NELL1: variants seen among roughly 807,000 people sequenced by gnomAD.
NELL1 encodes the protein protein kinase C-binding protein NELL1.
NELL1 carries 76 observed loss-of-function variants against 107.4 expected under a neutral mutation model. The ratio of observed to expected loss-of-function variants is 0.71; its 90% confidence interval spans 0.59 to 0.86. NELL1 has a LOEUF of 0.86. NELL1 is among the 40% of genes least tolerant of loss of function. The probability of loss-of-function intolerance (pLI) is 0.00; values close to 1 mark genes in which losing one functional copy is unlikely to be tolerated. For missense variants in NELL1, 1,024 were observed against 1,005.5 expected, an observed-to-expected ratio of 1.02 and a Z score of -0.25; for synonymous variants, 353 against 341.2, an observed-to-expected ratio of 1.03 and a Z score of -0.38.
At chr11:20,975,795 A>T (rs1401841431) in intron 12 of NELL1, among the ~76,000 whole-genome samples, 2 of 135,758 alleles carry the variant, frequency 1.5e-5, no homozygotes, top group African/African-American at 5.4e-5. Flanking sequence ...TTATATATGT[A>T]TTATATGATA....
At chr11:21,400,845 C>A (rs1367437504) in intron 15 of NELL1, among the ~76,000 whole-genome samples, 1 of 151,910 alleles carries the variant, frequency 6.6e-6, no homozygotes, top group Non-Finnish European at 1.5e-5. Context: ...GTCCACAGCT[C>A]ATTGCCAGGG....
intron 12 of NELL1, among the ~76,000 whole-genome samples, chr11:21,099,446 G>A (rs1002553898): frequency 3.3e-5 from 5 of 152,124 alleles, no homozygotes; most frequent in Admixed American, 6.5e-5. Context: ...TGGCTGGCTC[G>A]GTGGATGAGT....
chr11:21,084,063 T>G (rs1344151347), intron 12 of NELL1, among the ~76,000 whole-genome samples: 1 of 152,162 alleles, frequency 6.6e-6, no homozygotes, highest in African/African-American at 2.4e-5. Flanking sequence ...GTGAGCGTTC[T>G]CATTGTAATT....
intron 3 of NELL1, among the ~76,000 whole-genome samples, chr11:20,829,084 C>T (rs556942651): frequency 6.6e-6 from 1 of 152,140 alleles, no homozygotes; most frequent in African/African-American, 2.4e-5. Flanking sequence ...TTAACTTTTT[C>T]TTTTACATTA....
chr11:20,878,197 A>G (rs1166639710), intron 4 of NELL1, among the ~76,000 whole-genome samples: 1 of 151,704 alleles, frequency 6.6e-6, no homozygotes, highest in East Asian at 1.9e-4. Context: ...CATCTCTACT[A>G]AAAATACAAA....
chr11:21,168,807 C>T (rs1856540865), intron 13 of NELL1, among the ~76,000 whole-genome samples: 1 of 151,848 alleles, frequency 6.6e-6, no homozygotes, highest in African/African-American at 2.4e-5. Flanking sequence ...ATTTTCAATG[C>T]CTCATCTTTC....
At chr11:21,222,494 C>T (rs1338119626) in intron 13 of NELL1, among the ~76,000 whole-genome samples, 23 of 152,102 alleles carry the variant, frequency 1.5e-4, no homozygotes. Context: ...CCACACCTGG[C>T]TGATCTTTTG....
At chr11:21,228,719 T>TCCCCTCCCTCCCCTCCCCTCC (rs1469819561) in intron 13 of NELL1, among the ~76,000 whole-genome samples, 3 of 2,952 alleles carry the variant, frequency 1.0e-3, no homozygotes, top group Non-Finnish European at 2.1e-3. Context: ...CTCCCACCCC[T>TCCCCTCCCTCCCCTCCCCTCC]CCTTCCCTCC....
chr11:20,690,939 T>C (rs1854448573), intron 2 of NELL1, among the ~76,000 whole-genome samples: 1 of 152,098 alleles, frequency 6.6e-6, no homozygotes, highest in East Asian at 1.9e-4. Flanking sequence ...TCCATTTGTT[T>C]GTGTCCTCTT....
intron 15 of NELL1, among the ~76,000 whole-genome samples, chr11:21,400,715 TAAAAGAG>T (rs997492256): frequency 1.9e-4 from 29 of 151,984 alleles, no homozygotes; most frequent in African/African-American, 6.7e-4. Flanking sequence ...GTGCCACAAA[TAAAAGAG>T]AATTTCAGTT....
intron 13 of NELL1, among the ~76,000 whole-genome samples, chr11:21,114,104 A>G (rs1364680847): frequency 6.6e-6 from 1 of 152,050 alleles, no homozygotes; most frequent in Non-Finnish European, 1.5e-5. Context: ...AAAGACAAGG[A>G]TTAAATTTAA....
chr11:21,488,201 A>G (rs2133910709), intron 15 of NELL1, among the ~76,000 whole-genome samples: 1 of 152,296 alleles, frequency 6.6e-6, no homozygotes, highest in Non-Finnish European at 1.5e-5. Flanking sequence ...AGAACATTTT[A>G]TTGAACAACT....
intron 2 of NELL1, among the ~76,000 whole-genome samples, chr11:20,691,258 A>T (rs898379230): frequency 2.0e-5 from 3 of 151,720 alleles, no homozygotes; most frequent in Non-Finnish European, 4.4e-5. Flanking sequence ...CTCTTTTCCT[A>T]ATTGAATACC....
intron 3 of NELL1, among the ~76,000 whole-genome samples, chr11:20,801,427 A>AT (rs1334318145): frequency 7.2e-5 from 11 of 151,890 alleles, no homozygotes; most frequent in South Asian, 2.1e-4. Context: ...AAATTATTAG[A>AT]TTTTTTCCCC....
chr11:21,418,746 A>T (rs957996202), intron 15 of NELL1, among the ~76,000 whole-genome samples: 1 of 152,136 alleles, frequency 6.6e-6, no homozygotes, highest in African/African-American at 2.4e-5. Flanking sequence ...ATAATTTCTG[A>T]TAAGAAGCTT....
At chr11:21,289,332 G>C (rs546282819) in intron 14 of NELL1, among the ~76,000 whole-genome samples, 1 of 152,330 alleles carries the variant, frequency 6.6e-6, no homozygotes, top group African/African-American at 2.4e-5. Flanking sequence ...CATTGGGACT[G>C]ATTAGACAGT....
At chr11:21,066,699 C>G (rs1343805774) in intron 12 of NELL1, among the ~76,000 whole-genome samples, 1 of 152,100 alleles carries the variant, frequency 6.6e-6, no homozygotes, top group Non-Finnish European at 1.5e-5. Context: ...ACTGTAATCT[C>G]AGCACTTTGG....
At chr11:20,815,659 T>G (rs1012480170) in intron 3 of NELL1, among the ~76,000 whole-genome samples, 1 of 152,202 alleles carries the variant, frequency 6.6e-6, no homozygotes, top group Non-Finnish European at 1.5e-5. Context: ...TTAGTTTAGT[T>G]AGGTCCCACT....
rs1400071704 is a variant in NELL1 at position 20,717,264 on chromosome 11, GCT to G, written c.184+39207_184+39208del. Reference sequence around the variant, plus strand: ...AGGCAGCAAATAATATTTTTGGACTGCTCTGTTATAAGTAATTTGAAGGAAGA... The same window carrying G: ...AGGCAGCAAATAATATTTTTGGACTGCTGTTATAAGTAATTTGAAGGAAGA... On this transcript the variant is annotated intron_variant, in intron 2 of 19. Transcript: ENST00000357134. Among the ~76,000 whole-genome samples the G allele has an allele frequency of 5.3e-5, 8 of 152,154 alleles. No individual in the cohort carries two copies. In the East Asian group the frequency reaches 1.5e-3, roughly 29 times the overall value.
Sources: gnomAD v4.1 joint callset for allele counts (sites outside exome capture counted in the v4.1 genomes callset) on GRCh38, gnomAD v4.1.1 for gene constraint, MANE v1.5 for transcripts, NCBI Gene and HGNC (gene_info 2026-07-23, HGNC 2026-07-21) for gene names.